Variants in ALK observed in about 807,000 individuals in gnomAD.
The protein encoded by ALK is ALK receptor tyrosine kinase, also known as ALK tyrosine kinase receptor.
In ALK, 74 loss-of-function variants were observed where a neutral mutation model predicts 163.1. The observed-to-expected ratio is 0.45, with a 90% CI of 0.38 to 0.55. ALK has a LOEUF of 0.55. ALK is among the 20% of genes least tolerant of loss of function. ALK has a pLI of 0.00. For synonymous variants in ALK, 960 were observed against 843.2 expected (o/e 1.14, Z -2.40); for missense variants, 2,063 against 2,105.3 (o/e 0.98, Z 0.39).
chr2:29,196,305 T>G (rs929152133), intron 28 of ALK, among the ~76,000 whole-genome samples: 4 of 152,252 alleles, frequency 2.6e-5, no homozygotes, highest in Non-Finnish European at 4.4e-5. Context: ...TTCTCCAGAT[T>G]ACTTTGAAAT....
intron 3 of ALK, among the ~76,000 whole-genome samples, chr2:29,624,481 G>A (rs1015503087): frequency 2.0e-5 from 3 of 152,172 alleles, no homozygotes; most frequent in Non-Finnish European, 4.4e-5. Flanking sequence ...GTTTGCAGAG[G>A]AGCGGGTGGA....
At chr2:29,758,654 G>A (rs1306394510) in intron 1 of ALK, among the ~76,000 whole-genome samples, 1 of 152,102 alleles carries the variant, frequency 6.6e-6, no homozygotes, top group African/African-American at 2.4e-5. Context: ...CCCAGGCACT[G>A]CTCAGGCCTT....
At chr2:29,363,829 G>A (rs940046134) in intron 5 of ALK, among the ~76,000 whole-genome samples, 3 of 152,114 alleles carry the variant, frequency 2.0e-5, no homozygotes, top group Non-Finnish European at 4.4e-5. Context: ...ACACATCGAG[G>A]AACCCAGATT....
chr2:29,196,948 C>T (rs60114112), intron 27 of ALK, 88 bp from the exon 28 acceptor site: 13 of 1,155,216 alleles, frequency 1.1e-5, no homozygotes, highest in South Asian at 3.8e-5. Flanking sequence ...GCAACGAATA[C>T]GTTGAGGGTG....
At chr2:29,756,654 G>A (rs754516865) in intron 1 of ALK, among the ~76,000 whole-genome samples, 5 of 151,762 alleles carry the variant, frequency 3.3e-5, no homozygotes, top group Non-Finnish European at 7.4e-5. Flanking sequence ...AGCCTCCTGA[G>A]TAGTTGGGAT....
At chr2:29,349,141 G>A (rs1207192487) in intron 5 of ALK, among the ~76,000 whole-genome samples, 2 of 152,194 alleles carry the variant, frequency 1.3e-5, no homozygotes, top group Non-Finnish European at 2.9e-5. Flanking sequence ...CCCCACTCCA[G>A]CTGAAAGGGG....
At position 29,919,876 on chromosome 2, in the gene ALK, C is replaced by T. The variant is rs1043339160; in HGVS notation, c.667+117G>A. ...AGGAGGTTTGCGGGAGGAAGGAGGG[C>T]GATGAAGCAGAGCTGAGGTTTTAGA... On this transcript the variant is annotated intron_variant, in intron 1 of 28. Coordinates refer to ENST00000389048, the MANE Select transcript of ALK (RefSeq NM_004304.5). The T allele has an allele frequency of 4.7e-5, 60 of 1,274,166 alleles. No individual in the cohort carries two copies. In the South Asian group the frequency reaches 7.0e-4, roughly 15 times the overall value. The allele number at this position is 1,274,166 out of a possible 1,614,324, so 78.9% of individuals were successfully genotyped here.
At chr2:29,371,294 G>C (rs943955964) in intron 5 of ALK, among the ~76,000 whole-genome samples, 1 of 152,208 alleles carries the variant, frequency 6.6e-6, no homozygotes, top group Admixed American at 6.5e-5. Context: ...AGAATAAAAA[G>C]AGAACCATCA....
At chr2:29,471,804 C>T (rs567980059) in intron 4 of ALK, among the ~76,000 whole-genome samples, 29 of 151,728 alleles carry the variant, frequency 1.9e-4, no homozygotes, top group African/African-American at 7.0e-4. Flanking sequence ...TGGAATGGCA[C>T]AATCTTGGCT....
intron 3 of ALK, among the ~76,000 whole-genome samples, chr2:29,582,948 C>T (rs551339688): frequency 3.3e-5 from 5 of 151,336 alleles, no homozygotes; most frequent in African/African-American, 1.2e-4. Context: ...CTGCAACCTC[C>T]ACCTCCTGGG....
chr2:29,544,538 G>A (rs556207294), intron 3 of ALK, among the ~76,000 whole-genome samples: 9 of 152,212 alleles, frequency 5.9e-5, no homozygotes, highest in African/African-American at 2.2e-4. Context: ...CTGCTGCAAA[G>A]ACCGTTTGCA....
chr2:29,222,883 T>C (rs1031235350), intron 20 of ALK, among the ~76,000 whole-genome samples: 3 of 152,192 alleles, frequency 2.0e-5, no homozygotes, highest in Admixed American at 6.5e-5. Flanking sequence ...TCTCTGATAT[T>C]TGCCAGGGAC....
At chr2:29,528,530 A>G (rs1003433458) in intron 4 of ALK, among the ~76,000 whole-genome samples, 1 of 152,038 alleles carries the variant, frequency 6.6e-6, no homozygotes, top group Non-Finnish European at 1.5e-5. Context: ...TGCTGTTGCT[A>G]TTCTGCTTGT....
intron 1 of ALK, among the ~76,000 whole-genome samples, chr2:29,877,991 G>C (rs1436294077): frequency 6.6e-6 from 1 of 152,180 alleles, no homozygotes; most frequent in Non-Finnish European, 1.5e-5. Flanking sequence ...GGGCCCACCT[G>C]TTTACCATAA....
At chr2:29,836,144 C>T (rs540050598) in intron 1 of ALK, among the ~76,000 whole-genome samples, 1 of 152,330 alleles carries the variant, frequency 6.6e-6, no homozygotes, top group South Asian at 2.1e-4. Context: ...CCAGGGAGCA[C>T]TTCTTTTAAT....
chr2:29,640,417 C>T (rs916616916), intron 3 of ALK, among the ~76,000 whole-genome samples: 1 of 152,096 alleles, frequency 6.6e-6, no homozygotes, highest in Non-Finnish European at 1.5e-5. Flanking sequence ...TGTGTGACAC[C>T]TACTTCCTAC....
chr2:29,796,165 C>G (rs897414200), intron 1 of ALK, among the ~76,000 whole-genome samples: 5 of 152,152 alleles, frequency 3.3e-5, no homozygotes, highest in Non-Finnish European at 5.9e-5. Context: ...CACAAAGGGT[C>G]TCTCTGCTAG....
chr2:29,528,032 G>T (rs1020241436), intron 4 of ALK, among the ~76,000 whole-genome samples: 1 of 152,178 alleles, frequency 6.6e-6, no homozygotes, highest in South Asian at 2.1e-4. Context: ...GCTTTAAAAT[G>T]CCCTGACAGC....
intron 1 of ALK, among the ~76,000 whole-genome samples, chr2:29,830,627 A>G (rs1436359554): frequency 1.4e-5 from 2 of 147,354 alleles, no homozygotes; most frequent in South Asian, 4.5e-4. Context: ...CCAGTGACTC[A>G]GGAGACTGAG....
Sources: allele counts gnomAD v4.1 joint callset (sites outside exome capture counted in the v4.1 genomes callset), GRCh38; gene constraint gnomAD v4.1.1; transcripts MANE v1.5; gene names NCBI Gene and HGNC (gene_info 2026-07-23, HGNC 2026-07-21).